PTPRU: variants seen among roughly 807,000 people sequenced by gnomAD.
PTPRU encodes protein tyrosine phosphatase receptor type U, also known as receptor-type tyrosine-protein phosphatase U.
A neutral mutation model predicts 166.3 loss-of-function variants in PTPRU; 69 were observed. The ratio of observed to expected loss-of-function variants is 0.41; its 90% CI spans 0.34 to 0.51. The LOEUF is 0.51. Ranked by LOEUF, PTPRU falls within the 20% of genes least tolerant of loss-of-function variation. The pLI, the probability that PTPRU is intolerant of heterozygous loss-of-function variation, is 0.09. For synonymous variants in PTPRU, 793 were observed against 814.0 expected, an observed-to-expected ratio of 0.97 and a Z score of 0.44; for missense variants, 1,657 against 2,013.7, an observed-to-expected ratio of 0.82 and a Z score of 3.39.
chr1:29,269,385 G>A (rs1685461568), intron 7 of PTPRU, among the ~76,000 whole-genome samples: 1 of 148,636 alleles, frequency 6.7e-6, no homozygotes, highest in African/African-American at 2.5e-5. Context: ...AGGAGCCAGT[G>A]CATCCAGCCT....
At position 29,317,369 on chromosome 1, in the gene PTPRU, T is replaced by A. The variant is rs1997865; in HGVS notation, c.3514-379T>A. 0.9 allele frequency among the ~76,000 whole-genome samples: 137,317 copies of A among 152,124 alleles called. 62,212 individuals carry two copies. Among genetic ancestry groups the A allele is most frequent in the East Asian group, 1 (5,141 of 5,158 alleles). ...TGAAGGCACTGGTCAGCTAGTAAAG[T>A]TCCTCACTGTGCCCGTGTGTGCCGA... On this transcript the variant is annotated intron_variant, in intron 24 of 29. Coordinates refer to ENST00000373779, the MANE Select transcript of PTPRU (RefSeq NM_133178.4). The surrounding 1 kb of genome is among the most constrained non-coding windows in gnomAD (Gnocchi z 5.6).
At chr1:29,290,816 G>A (rs899186329) in intron 14 of PTPRU, among the ~76,000 whole-genome samples, 18 of 152,268 alleles carry the variant, frequency 1.2e-4, no homozygotes, top group Admixed American at 1.1e-3. Flanking sequence ...ATTGAGCTCA[G>A]CTGGATGCCA....
chr1:29,252,969 C>G (rs1684622266), intron 1 of PTPRU, among the ~76,000 whole-genome samples: 1 of 152,228 alleles, frequency 6.6e-6, no homozygotes, highest in African/African-American at 2.4e-5. Context: ...CTCCAGACAC[C>G]AGTCGCAAGT....
In PTPRU at chr1:29,257,965, A is replaced by AC. The variant is rs1684845154; in HGVS notation, c.206-540_206-539insC. 1.7e-5 allele frequency among the ~76,000 whole-genome samples: 1 copy of AC among 58,886 alleles called. No homozygotes were observed. The allele number at this position is 58,886 out of a possible 152,430, so 38.6% of individuals were successfully genotyped here. A position where few individuals can be genotyped will look rare whatever the true frequency, so the allele number is the denominator to read the frequency against. On this transcript the variant is annotated intron_variant, in intron 2 of 29. Coordinates refer to ENST00000373779, the MANE Select transcript of PTPRU (RefSeq NM_133178.4). The surrounding 1 kb of genome is among the most constrained non-coding windows in gnomAD (Gnocchi z 4.6). ...TGACCTGTAGATTGTAAGGAGCCAT[A>AC]ATTTTTTTTTTCTTTTTGAGACCGA...
chr1:29,243,693 A>T (rs1684156914), intron 1 of PTPRU, among the ~76,000 whole-genome samples: 1 of 152,146 alleles, frequency 6.6e-6, no homozygotes, highest in Non-Finnish European at 1.5e-5. Flanking sequence ...TTTTTCCACT[A>T]GGCTGGGAGC....
chr1:29,259,910 A>C lies in PTPRU; in HGVS notation c.716A>C (p.His239Pro), dbSNP rs1382855447. 3.9e-6 allele frequency: 6 copies of C among 1,531,838 alleles called. No homozygotes were observed. The highest frequency in any genetic ancestry group is 5.2e-6 in the Non-Finnish European group (6 of 1,145,724). The allele number at this position is 1,531,838 out of a possible 1,614,324, so 94.9% of individuals were successfully genotyped here. ...CTGGTGCCGGCGGCGGGCGTGCGGCACATCAGCCACCGGCGCTTCCTGGCC... is the reference window on the plus strand; with the variant it reads ...CTGGTGCCGGCGGCGGGCGTGCGGCCCATCAGCCACCGGCGCTTCCTGGCC... ...GALVPAAGVR[H>P]ISHRRFLATF... Residue 239 changes from histidine to proline, a missense_variant, in exon 6 of 30, where the codon CAC (histidine) becomes CCC (proline). Coordinates refer to ENST00000373779, the MANE Select transcript of PTPRU (RefSeq NM_133178.4).
chr1:29,297,974 G>T (rs1260319998), intron 15 of PTPRU, among the ~76,000 whole-genome samples: 1 of 152,116 alleles, frequency 6.6e-6, no homozygotes, highest in Admixed American at 6.6e-5. Flanking sequence ...AAACTCAAAA[G>T]GTGCTAGGCG....
rs530907931 is a variant in PTPRU, at chr1:29,323,906, C to G, written c.4112+118C>G. On this transcript the variant is annotated intron_variant, in intron 28 of 29. Transcript: ENST00000373779. ...CAAAGCTGGCACCGAAACCCCTGGG[C>G]TCTTAGATGGCTGTGGCCAGGATGC... is the stretch of plus-strand genomic sequence containing the variant. The G allele has an allele frequency of 3.6e-4, 457 of 1,271,256 alleles. 6 individuals are homozygous for G. The South Asian group carries it at 6.6e-3, about 18-fold the overall frequency. 78.7% of individuals were successfully genotyped at this position (1,271,256 alleles called of 1,614,324 possible).
chr1:29,302,076 C>T (rs1687159496), intron 15 of PTPRU, among the ~76,000 whole-genome samples: 3 of 151,844 alleles, frequency 2.0e-5, no homozygotes, highest in Admixed American at 2.0e-4. Flanking sequence ...AAAGACCTCC[C>T]AGTGGGACAA....
intron 12 of PTPRU, among the ~76,000 whole-genome samples, chr1:29,283,311 C>A (rs751800510): frequency 6.6e-6 from 1 of 151,232 alleles, no homozygotes; most frequent in Non-Finnish European, 1.5e-5. Context: ...TCCCATAGTC[C>A]CTTCTCCCAT....
In PTPRU at chr1:29,325,366, C is replaced by T. The variant is rs1410404119; in HGVS notation, c.4248+40C>T. The stretch of plus-strand genomic sequence containing the variant: ...CCCGTGCCCAGCCACTTCCACCTTC[C>T]TGGTCCATGCCAGGCCAGGTTCCTT... On this transcript the variant is annotated intron_variant, in intron 29 of 29. Coordinates refer to ENST00000373779, the MANE Select transcript of PTPRU (RefSeq NM_133178.4). 7 of 1,608,074 alleles carry T rather than the reference C, an allele frequency of 4.4e-6. No individual in the cohort carries two copies. The East Asian group carries it at 1.6e-4, about 36-fold the overall frequency.
At chr1:29,268,591 C>T (rs950826849) in intron 7 of PTPRU, among the ~76,000 whole-genome samples, 8 of 152,212 alleles carry the variant, frequency 5.3e-5, no homozygotes, top group Admixed American at 5.2e-4. Flanking sequence ...AGTTGGAAAG[C>T]CTGAACCTTG....
rs750632643 is a variant in PTPRU, at chr1:29,275,538, C to T, written c.1235C>T (p.Thr412Met). Residue 412 changes from threonine (T) to methionine (M), a missense_variant, in exon 8 of 30, where the codon ACG becomes ATG. Around this residue, in one of 3 missense-constraint regions of PTPRU, gnomAD observed 1,190 missense variants for 1,477.4 expected, o/e 0.81. Transcript: ENST00000373779. Reference sequence around the variant, plus strand: ...TGGGAACCACTGGGCTACAACGTGACGCGTTGCCACACCTATACTGTGTCG... The same window carrying T: ...TGGGAACCACTGGGCTACAACGTGATGCGTTGCCACACCTATACTGTGTCG... ...LQWEPLGYNV[T>M]RCHTYTVSLC... The T allele has an allele frequency of 1.4e-5, 23 of 1,614,084 alleles. No homozygotes were observed. The highest frequency in any genetic ancestry group is 1.9e-5 in the Non-Finnish European group (22 of 1,180,024).
intron 18 of PTPRU, chr1:29,307,277 C>T: frequency 4.1e-6 from 5 of 1,228,188 alleles, no homozygotes; most frequent in Non-Finnish European, 5.8e-6. Context: ...ACTTATGTGC[C>T]CAGCACCAAC....
intron 3 of PTPRU, 28 bp downstream of exon 3, chr1:29,258,804 C>G: frequency 6.5e-7 from 1 of 1,542,480 alleles, no homozygotes; most frequent in Non-Finnish European, 8.7e-7. Context: ...AGCGGTCAGC[C>G]TGTGCCTGGA....
chr1:29,269,965 C>A (rs1285512492), intron 7 of PTPRU, among the ~76,000 whole-genome samples: 1 of 152,062 alleles, frequency 6.6e-6, no homozygotes, highest in East Asian at 1.9e-4. Flanking sequence ...CCCCATTTAG[C>A]TGGACTGTTT....
intron 15 of PTPRU, among the ~76,000 whole-genome samples, chr1:29,295,628 T>A (rs1686848737): frequency 6.6e-6 from 1 of 152,226 alleles, no homozygotes; most frequent in Admixed American, 6.5e-5. Flanking sequence ...ATATTACATT[T>A]CCATTTCTTA....
chr1:29,313,034 C>T (rs528018894), intron 22 of PTPRU, among the ~76,000 whole-genome samples: 3 of 152,198 alleles, frequency 2.0e-5, no homozygotes, highest in Non-Finnish European at 1.5e-5. Flanking sequence ...TTTTGTTGCA[C>T]ACCTGCCGCG....
In PTPRU at chr1:29,304,060, C is replaced by A; in HGVS notation, c.2667+15C>A. ...AGGAGTATGAGGTGCACGCCGGCCCCGGGCCAGCAGGATCCCTGCAGAGGC... is the reference window on the plus strand; with the variant it reads ...AGGAGTATGAGGTGCACGCCGGCCCAGGGCCAGCAGGATCCCTGCAGAGGC... On this transcript the variant is annotated intron_variant, in intron 16 of 29. Transcript: ENST00000373779. 1.3e-6 allele frequency: 2 copies of A among 1,593,680 alleles called. No homozygotes were observed. Among genetic ancestry groups the A allele is most frequent in the Non-Finnish European group, 1.7e-6 (2 of 1,165,534 alleles).
Sources: allele counts gnomAD v4.1 joint callset (sites outside exome capture counted in the v4.1 genomes callset), GRCh38; gene constraint gnomAD v4.1.1; regional missense constraint gnomAD v4.1.1; non-coding constraint Gnocchi (gnomAD v3.1); transcripts MANE v1.5; gene names NCBI Gene and HGNC (gene_info 2026-07-23, HGNC 2026-07-21).